The following USP9X variants were observed in gnomAD, a reference collection of about 807,000 sequenced individuals.
USP9X encodes the protein ubiquitin specific peptidase 9 X-linked, also known as ubiquitin carboxyl-terminal hydrolase 9X.
USP9X carries 7 observed loss-of-function variants against 190.3 expected under a neutral mutation model. The observed-to-expected ratio is 0.04, with a 90% confidence interval of 0.02 to 0.07. The LOEUF is 0.07. Among genes scored for constraint, USP9X ranks in the 10% least tolerant of loss-of-function variants. USP9X has a pLI of 1.00. For missense variants in USP9X, 1,010 were observed against 1,916.9 expected (o/e 0.53, Z 8.83); for synonymous variants, 645 against 659.5 (o/e 0.98, Z 0.34).
intron 1 of USP9X, among the ~76,000 whole-genome samples, chrX:41,111,711 C>T (rs980387873): frequency 9.0e-6 from 1 of 111,185 alleles, no homozygotes; most frequent in African/African-American, 3.3e-5. Flanking sequence ...GAAGGAACAA[C>T]AAGAAGGCAA....
chrX:41,164,163 C>T (rs2062659237), intron 15 of USP9X, among the ~76,000 whole-genome samples: 1 of 111,509 alleles, frequency 9.0e-6, no homozygotes, highest in Non-Finnish European at 1.9e-5. Flanking sequence ...AGCCACCGTG[C>T]CTGGCCCCAT....
chrX:41,110,322 A>G (rs898102355), intron 1 of USP9X, among the ~76,000 whole-genome samples: 4 of 112,711 alleles, frequency 3.5e-5, no homozygotes, highest in South Asian at 3.6e-4. Context: ...AACAGTGACA[A>G]CGATACTTAA....
Position 41,123,731 on chromosome X carries a change from TGTTGAAGATA to T in USP9X, c.96+8_96+17del. 8.3e-7 allele frequency: 1 copy of T among 1,205,048 alleles called. No homozygotes were observed. The highest frequency in any genetic ancestry group is 1.1e-6 in the Non-Finnish European group (1 of 890,729). On this transcript the variant is annotated splice_region_variant and intron_variant, in intron 2 of 44. Coordinates refer to ENST00000378308, the MANE Select transcript of USP9X (RefSeq NM_001039591.3). ...CCCCCTCCAACAGAATCAGGTAGGA[TGTTGAAGATA>T]CTAGTTAAAGCTACAGTGGGGCTGG...
intron 25 of USP9X, among the ~76,000 whole-genome samples, chrX:41,188,327 A>G (rs2062900498): frequency 8.9e-6 from 1 of 112,275 alleles, no homozygotes; most frequent in Non-Finnish European, 1.9e-5. Flanking sequence ...TGCTTTTTAA[A>G]TGAAATTGCC....
chrX:41,162,142 GT>G (rs2062639144), intron 14 of USP9X, among the ~76,000 whole-genome samples: 1 of 111,843 alleles, frequency 8.9e-6, no homozygotes. Context: ...AAACATCAAT[GT>G]TTTGAAGAAT....
At chrX:41,177,188 A>T (rs1426584105) in intron 21 of USP9X, among the ~76,000 whole-genome samples, 1 of 112,458 alleles carries the variant, frequency 8.9e-6, no homozygotes, top group Non-Finnish European at 1.9e-5. Context: ...CATATACAGT[A>T]ATATCATCTA....
Position 41,170,030 on chromosome X carries a change from G to A in USP9X, c.2672G>A (p.Arg891Gln). ...GGTAAACACCTCTCTTTTGTAGTTC[G>A]ATTTCCAAACCAGGGCAGACAGGTT... ...FRGKHLSFVV[R>Q]FPNQGRQVDD... Residue 891 changes from arginine (R) to glutamine (Q), a missense_variant, in exon 19 of 45, where the codon CGA becomes CAA. Around this residue, in one of 11 missense-constraint regions of USP9X, gnomAD observed 351 missense variants for 480.8 expected, o/e 0.73. Transcript: ENST00000378308. 1 of 1,211,195 alleles carries A rather than the reference G, an allele frequency of 8.3e-7. No individual in the cohort carries two copies. The highest frequency in any genetic ancestry group is 1.1e-6 in the Non-Finnish European group (1 of 895,314).
Position 41,086,256 on chromosome X carries a change from C to T in USP9X, c.-159+147C>T, listed in dbSNP as rs755747260. On this transcript the variant is annotated intron_variant, in intron 1 of 44. Coordinates refer to ENST00000378308, the MANE Select transcript of USP9X (RefSeq NM_001039591.3). ...CCAGGCTGGGGCTTCCCCGTTCCCC[C>T]TCCTCCGGCCCGGGCTGGGCGGGCG... The T allele has an allele frequency of 1.9e-5, 5 of 268,952 alleles. No homozygotes were observed. In the East Asian group the frequency reaches 2.7e-4, roughly 14 times the overall value. The allele number at this position is 268,952 out of a possible 1,213,427, so 22.2% of individuals were successfully genotyped here.
At chrX:41,190,723 A>G (rs2062926556) in intron 26 of USP9X, among the ~76,000 whole-genome samples, 3 of 111,505 alleles carry the variant, frequency 2.7e-5, no homozygotes, top group Non-Finnish European at 3.8e-5. Context: ...TTGATTTAAC[A>G]GGGTTTTTTG....
chrX:41,227,142 T>C (rs1369476216), intron 41 of USP9X, among the ~76,000 whole-genome samples: 1 of 112,147 alleles, frequency 8.9e-6, no homozygotes, highest in African/African-American at 3.2e-5. Flanking sequence ...GTGAAAATAA[T>C]TTTCTCATAA....
intron 14 of USP9X, among the ~76,000 whole-genome samples, chrX:41,153,860 C>T (rs1041257582): frequency 5.4e-5 from 6 of 111,999 alleles, no homozygotes; most frequent in African/African-American, 1.9e-4. Context: ...TAGAGTTAAA[C>T]ATACTGATTA....
intron 29 of USP9X, 70 bp downstream of exon 29, chrX:41,197,580 A>C (rs2062996487): frequency 1.1e-6 from 1 of 934,275 alleles, no homozygotes; most frequent in South Asian, 3.2e-5. Flanking sequence ...AAATTTAATT[A>C]ATTTATAGTA....
At chrX:41,208,380 G>GT (rs755296047) in intron 32 of USP9X, among the ~76,000 whole-genome samples, 34 of 111,847 alleles carry the variant, frequency 3.0e-4, no homozygotes, top group Non-Finnish European at 6.0e-4. Flanking sequence ...TTTTTCTCTT[G>GT]TAATGCCTTT....
intron 26 of USP9X, among the ~76,000 whole-genome samples, chrX:41,194,237 G>C (rs1356211119): frequency 9.0e-6 from 1 of 111,729 alleles, no homozygotes; most frequent in Non-Finnish European, 1.9e-5. Flanking sequence ...TATGCTGTCA[G>C]GTCCTTTACA....
chrX:41,198,617 G>A lies in USP9X; in HGVS notation c.4470G>A (p.Pro1490=), dbSNP rs749234668. 39 of 1,209,812 alleles carry A rather than the reference G, an allele frequency of 3.2e-5. No homozygotes were observed. In the Admixed American group the frequency reaches 3.9e-4, roughly 12 times the overall value. Residue 1490 remains proline (P), a synonymous_variant, in exon 30 of 45, where the codon CCG becomes CCA. Transcript: ENST00000378308. ...NGELPAEQAI[P]VCGSPPTINA... is the part of the protein sequence containing the mutation. ...AGCTTCCAGCTGAACAGGCTATTCC[G>A]GTCTGTGGTTCACCACCTACAATTA...
At chrX:41,133,867 T>A in intron 4 of USP9X, among the ~76,000 whole-genome samples, 1 of 112,613 alleles carries the variant, frequency 8.9e-6, no homozygotes, top group Non-Finnish European at 1.9e-5. Flanking sequence ...GTTCAAAATC[T>A]TGGCTATTGT....
intron 26 of USP9X, chrX:41,189,773 A>G (rs2062914211): frequency 1.7e-5 from 3 of 174,920 alleles, no homozygotes; most frequent in South Asian, 2.6e-4. Context: ...TTTAAATCAT[A>G]TAGGACATTA....
chrX:41,089,903 GTTTTTTTTTTTT>G (rs139093155), intron 1 of USP9X, among the ~76,000 whole-genome samples: 3 of 30,326 alleles, frequency 9.9e-5, no homozygotes, highest in East Asian at 1.1e-3. Context: ...ATCTATGAGG[GTTTTTTTTTTTT>G]TTTTTTTTTT....
At chrX:41,120,540 C>T (rs1365143935) in intron 1 of USP9X, among the ~76,000 whole-genome samples, 2 of 111,367 alleles carry the variant, frequency 1.8e-5, no homozygotes, top group African/African-American at 6.5e-5. Context: ...CTCTGTTGCC[C>T]AGGCTGCAGT....
Sources: gnomAD v4.1 joint callset for allele counts (sites outside exome capture counted in the v4.1 genomes callset) on GRCh38, gnomAD v4.1.1 for gene constraint, gnomAD v4.1.1 regional missense constraint, MANE v1.5 for transcripts, NCBI Gene and HGNC (gene_info 2026-07-23, HGNC 2026-07-21) for gene names.